TMF1: variants seen among roughly 807,000 people sequenced by gnomAD.
The protein encoded by TMF1 is TATA element modulatory factor.
TMF1 carries 71 observed loss-of-function variants against 126.5 expected under a neutral mutation model. The ratio of observed to expected loss-of-function variants is 0.56; its 90% confidence interval spans 0.46 to 0.68. The LOEUF is 0.68. Among genes scored for constraint, TMF1 ranks in the 30% least tolerant of loss-of-function variants. The pLI is 0.00. For synonymous variants in TMF1, 461 were observed against 430.5 expected (o/e 1.07, Z -0.88); for missense variants, 1,259 against 1,253.2 (o/e 1.00, Z -0.07).
intron 9 of TMF1, 111 bp downstream of exon 9, chr3:69,034,912 G>A (rs2091824005): frequency 4.1e-6 from 4 of 964,418 alleles, no homozygotes; most frequent in East Asian, 4.8e-5. Context: ...CAAATGCTAG[G>A]TGTGACAGTA....
chr3:69,043,221 G>A (rs929688751), intron 4 of TMF1, among the ~76,000 whole-genome samples: 1 of 151,804 alleles, frequency 6.6e-6, no homozygotes, highest in African/African-American at 2.4e-5. Context: ...ACCCAGGCTG[G>A]AGTAGTGGTA....
intron 5 of TMF1, 153 bp downstream of exon 5, chr3:69,042,654 C>T: frequency 1.4e-6 from 1 of 719,146 alleles, no homozygotes; most frequent in South Asian, 1.5e-5. Context: ...TCTTATTCCT[C>T]ATTCTTCCAT....
At chr3:69,027,088 C>T (rs980555864) in intron 13 of TMF1, among the ~76,000 whole-genome samples, 2 of 152,072 alleles carry the variant, frequency 1.3e-5, no homozygotes, top group Admixed American at 6.6e-5. Flanking sequence ...CTCCGCCTCC[C>T]GGGTTCAAGC....
rs766681747 is a variant in TMF1, at chr3:69,048,235, AAAG to A, written c.467_469del (p.Ser156del). On this transcript the variant is annotated inframe_deletion, in exon 2 of 17. Transcript: ENST00000398559. ...TGCCAGAGTTTCCCCTGAAACACAC[AAAG>A]AAGAGTCTTTTACTTGTGATTCAGT... The A allele has an allele frequency of 4.3e-6, 7 of 1,614,104 alleles. No individual in the cohort carries two copies. The highest frequency in any genetic ancestry group is 1.7e-5 in the Admixed American group (1 of 59,994).
chr3:69,032,758 C>T (rs532462420), intron 10 of TMF1, among the ~76,000 whole-genome samples: 10 of 151,980 alleles, frequency 6.6e-5, no homozygotes, highest in South Asian at 4.2e-4. Context: ...TACAGGCATG[C>T]GCCATGACAC....
In TMF1 at chr3:69,048,343, T is replaced by G; in HGVS notation, c.362A>C (p.Lys121Thr). The change falls in exon 2 of 17, where the codon AAA becomes ACA. Residue 121 changes from lysine (K) to threonine (T), a missense_variant. By Grantham distance (78) the Lys-to-Thr change is moderately conservative (BLOSUM62 -1). Coordinates refer to ENST00000398559, the MANE Select transcript of TMF1 (RefSeq NM_007114.3). ...CACTTCTTCTTCTGGTCGTTGTGATTTTGCTGGAGGTTTTGATACCACTGG... is the reference window on the plus strand; with the variant it reads ...CACTTCTTCTTCTGGTCGTTGTGATGTTGCTGGAGGTTTTGATACCACTGG... ...KSPVVSKPPA[K>T]SQRPEEEVKS... The G allele has an allele frequency of 6.2e-7, 1 of 1,614,216 alleles. No individual in the cohort carries two copies. The highest frequency in any genetic ancestry group is 1.1e-5 in the South Asian group (1 of 91,090).
At chr3:69,036,500 A>T (rs1204907638) in intron 8 of TMF1, among the ~76,000 whole-genome samples, 2 of 152,218 alleles carry the variant, frequency 1.3e-5, no homozygotes, top group African/African-American at 4.8e-5. Context: ...GCGAATGTGT[A>T]TGTACGCAGA....
chr3:69,029,679 G>C, intron 11 of TMF1, 136 bp downstream of exon 11: 2 of 742,426 alleles, frequency 2.7e-6, no homozygotes, highest in Non-Finnish European at 4.3e-6. Context: ...GACCTCAAGT[G>C]ATCCGCCCGC....
intron 8 of TMF1, among the ~76,000 whole-genome samples, chr3:69,036,984 G>C (rs2091835001): frequency 6.6e-6 from 1 of 151,390 alleles, no homozygotes; most frequent in Non-Finnish European, 1.5e-5. Context: ...GAAAAAGAAA[G>C]ACAACCCACA....
Position 69,039,997 on chromosome 3 carries a change from A to T in TMF1, c.1685-304T>A, listed in dbSNP as rs796525596. On this transcript the variant is annotated intron_variant, in intron 5 of 16. Transcript: ENST00000398559. ...CTAAGCATTCAGTTTTGGCATCACC[A>T]ATTGTAGTACAGCCTGACAATATGT... Among the ~76,000 whole-genome samples, 15 of 152,370 alleles carry T rather than the reference A, an allele frequency of 9.8e-5. 1 individual carries two copies. Among genetic ancestry groups the T allele is most frequent in the African/African-American group, 3.6e-4 (15 of 41,594 alleles).
In TMF1 at chr3:69,033,683, G is replaced by A; in HGVS notation, c.2266C>T (p.Arg756Ter). The change falls in exon 10 of 17, where the codon CGA (arginine) becomes TGA (stop). Residue 756 changes from arginine to a stop codon, truncating the protein, a stop_gained. Transcript: ENST00000398559. LOFTEE classifies it high-confidence loss of function. ...LQQRLQEAEN[R>*]NQELSQSVSS... ...ACACTTTGACTCAGTTCCTGGTTTC[G>A]ATTCTCTGCTTCCTGGAGTCTCTGA... 4 of 1,612,104 alleles carry A rather than the reference G, an allele frequency of 2.5e-6. No homozygotes were observed. The highest frequency in any genetic ancestry group is 1.7e-4 in the Middle Eastern group (1 of 6,050).
intron 10 of TMF1, 45 bp downstream of exon 10, chr3:69,033,503 A>G (rs1229962119): frequency 1.3e-6 from 2 of 1,568,710 alleles, no homozygotes; most frequent in Admixed American, 2.0e-5. Context: ...TCTATAAACA[A>G]GATGGAAGAG....
Position 69,024,795 on chromosome 3 carries a change from CA to C in TMF1, c.3013-616del, listed in dbSNP as rs527427541. The stretch of plus-strand genomic sequence containing the variant: ...AAAATGCTTGAGACCAGGAATGTTT[CA>C]AATTTCTTTTTTTTTTTTTTTTTTT... On this transcript the variant is annotated intron_variant, in intron 15 of 16. Transcript: ENST00000398559. 5.5e-3 allele frequency: 648 copies of C among 118,374 alleles called. 10 individuals carry two copies. Among genetic ancestry groups the C allele is most frequent in the African/African-American group, 0.019 (590 of 31,460 alleles). 7.3% of individuals were successfully genotyped at this position (118,374 alleles called of 1,614,324 possible).
chr3:69,027,866 T>TA (rs767246951), intron 13 of TMF1, 34 bp downstream of exon 13: 1 of 1,158,122 alleles, frequency 8.6e-7, no homozygotes, highest in South Asian at 1.3e-5. Context: ...ACTAAATGGT[T>TA]ACACCACAAA....
intron 10 of TMF1, among the ~76,000 whole-genome samples, chr3:69,033,041 T>G (rs967628319): frequency 1.4e-4 from 22 of 151,982 alleles, no homozygotes; most frequent in Non-Finnish European, 2.8e-4. Context: ...CCTACACTAC[T>G]GCAGACAAGC....
At chr3:69,026,228 A>G (rs2091766479) in intron 13 of TMF1, 131 bp from the exon 14 acceptor site, 2 of 560,964 alleles carry the variant, frequency 3.6e-6, no homozygotes, top group Non-Finnish European at 6.3e-6. Context: ...AAGGAATTCA[A>G]TACAATCAAA....
At chr3:69,048,829 C>T (rs563126934) in intron 1 of TMF1, 31 of 309,124 alleles carry the variant, frequency 1.0e-4, no homozygotes, top group African/African-American at 6.5e-4. Context: ...CTACCAGATG[C>T]GAGTATGTTA....
intron 4 of TMF1, 81 bp downstream of exon 4, chr3:69,043,669 A>G (rs1021430364): frequency 3.1e-6 from 4 of 1,285,322 alleles, no homozygotes; most frequent in Non-Finnish European, 4.3e-6. Context: ...CTTTTTTCCA[A>G]TATCAAAATA....
chr3:69,028,898 G>A lies in TMF1; in HGVS notation c.2595-603C>T, dbSNP rs112062832. The stretch of plus-strand genomic sequence containing the variant: ...TCAAAACTATTTTGTGGTGTTATAG[G>A]CCCCTTTAAAAAATCTGATTAAAGG... On this transcript the variant is annotated intron_variant, in intron 11 of 16. Transcript: ENST00000398559. 1.0e-3 allele frequency among the ~76,000 whole-genome samples: 154 copies of A among 151,924 alleles called. 2 individuals are homozygous for A. The highest frequency in any genetic ancestry group is 3.5e-3 in the African/African-American group (146 of 41,448).
Sources: allele counts gnomAD v4.1 joint callset (sites outside exome capture counted in the v4.1 genomes callset), GRCh38; gene constraint gnomAD v4.1.1; transcripts MANE v1.5; gene names NCBI Gene and HGNC (gene_info 2026-07-23, HGNC 2026-07-21).